UNC80: variants seen among roughly 807,000 people sequenced by gnomAD.
UNC80 encodes unc-80 subunit of NALCN channel complex, also known as protein unc-80 homolog.
In UNC80, 164 loss-of-function variants were observed where a neutral mutation model predicts 384.6. That is an observed-to-expected ratio of 0.43 (90% confidence interval 0.38 to 0.49). The LOEUF is 0.49. Ranked by LOEUF, UNC80 falls within the 20% of genes least tolerant of loss-of-function variation. The pLI is 0.00. For missense variants in UNC80, 3,330 were observed against 4,143.0 expected (o/e 0.80, Z 5.39); for synonymous variants, 1,486 against 1,527.8 (o/e 0.97, Z 0.64).
chr2:209,819,116 C>G lies in UNC80; in HGVS notation c.1817C>G (p.Pro606Arg). The G allele has an allele frequency of 6.4e-7, 1 of 1,552,176 alleles. No homozygotes were observed. The highest frequency in any genetic ancestry group is 8.7e-7 in the Non-Finnish European group (1 of 1,147,112). ...MRKLCNQVPIPEMPHEPLACA... is the reference protein window; with the variant it reads ...MRKLCNQVPIREMPHEPLACA... Reference sequence around the variant, plus strand: ...AAACTCTGCAACCAGGTGCCTATCCCGGAGATGCCACATGAACCTCTGGCA... The same window carrying G: ...AAACTCTGCAACCAGGTGCCTATCCGGGAGATGCCACATGAACCTCTGGCA... Residue 606 changes from proline to arginine, a missense_variant, in exon 12 of 65, where the codon CCG becomes CGG. Pro to Arg is a moderately radical substitution (Grantham distance 103, BLOSUM62 -2). Coordinates refer to ENST00000673920, the MANE Select transcript of UNC80 (RefSeq NM_001371986.1).
At chr2:209,878,133 C>A in intron 24 of UNC80, 44 bp downstream of exon 24, 3 of 1,479,398 alleles carry the variant, frequency 2.0e-6, no homozygotes, top group Non-Finnish European at 2.7e-6. Flanking sequence ...CTTGTAAGAA[C>A]CTCTGCTTTA....
At chr2:209,878,170 C>G (rs979137694) in intron 24 of UNC80, 81 bp downstream of exon 24, 1 of 1,336,400 alleles carries the variant, frequency 7.5e-7, no homozygotes, top group African/African-American at 1.5e-5. Context: ...CTCTTTTCTC[C>G]TTCATATTCT....
chr2:209,911,178 A>T (rs1482377266), intron 29 of UNC80, among the ~76,000 whole-genome samples: 1 of 139,694 alleles, frequency 7.2e-6, no homozygotes, highest in Non-Finnish European at 1.6e-5. Context: ...AAATATAAAT[A>T]ATAAAACAGA....
At chr2:209,904,685 C>T in intron 28 of UNC80, 80 bp from the exon 29 acceptor site, 1 of 1,250,884 alleles carries the variant, frequency 8.0e-7, no homozygotes, top group Non-Finnish European at 1.1e-6. Context: ...TTCTGACTTC[C>T]CATCTTCCAC....
intron 61 of UNC80, 68 bp downstream of exon 61, chr2:209,984,980 GTC>G: frequency 2.2e-6 from 3 of 1,334,468 alleles, no homozygotes; most frequent in Non-Finnish European, 3.1e-6. Flanking sequence ...TGTCTCCTCT[GTC>G]TCTCTGTCTT....
chr2:209,967,706 T>C (rs1474720507), intron 52 of UNC80, 69 bp downstream of exon 52: 10 of 1,475,310 alleles, frequency 6.8e-6, no homozygotes, highest in East Asian at 2.5e-5. Flanking sequence ...TTTTTTAAGA[T>C]GGTGGATCAT....
rs2092523089 is a variant in UNC80 at position 209,959,496 on chromosome 2, C to T, written c.7594C>T (p.Leu2532Phe). 6.4e-7 allele frequency: 1 copy of T among 1,551,544 alleles called. No individual in the cohort carries two copies. Among genetic ancestry groups the T allele is most frequent in the Non-Finnish European group, 8.7e-7 (1 of 1,146,950 alleles). Reference protein sequence around the residue: ...GAKLHFIRENLHLLEEGQGIP... With the variant: ...GAKLHFIRENFHLLEEGQGIP... ...TCTTTCACAATTTCCCAGGGAAAAC[C>T]TTCATTTACTGGAGGAAGGGCAAGG... Residue 2532 changes from leucine to phenylalanine, a missense_variant, in exon 51 of 65, where the codon CTT (leucine) becomes TTT (phenylalanine). Around this residue, in one of 8 missense-constraint regions of UNC80, gnomAD observed 1,049 missense variants for 1,488.6 expected, o/e 0.70. Transcript: ENST00000673920.
chr2:209,971,061 A>AAC lies in UNC80; in HGVS notation c.8256+106_8256+107dup. The AAC allele has an allele frequency of 2.8e-6, 4 of 1,414,006 alleles. No homozygotes were observed. The Middle Eastern group carries it at 5.7e-4, about 200-fold the overall frequency. 87.6% of individuals were successfully genotyped at this position (1,414,006 alleles called of 1,614,324 possible). A position where few individuals can be genotyped will look rare whatever the true frequency, so the allele number is the denominator to read the frequency against. On this transcript the variant is annotated intron_variant, in intron 54 of 64. Coordinates refer to ENST00000673920, the MANE Select transcript of UNC80 (RefSeq NM_001371986.1). Reference sequence around the variant, plus strand: ...TGCAAAGGCTGGGCAAAATCTGTGAAACAAAAGTGTAAACATCTCTAAACT... The same window carrying AAC: ...TGCAAAGGCTGGGCAAAATCTGTGAAACACAAAAGTGTAAACATCTCTAAACT...
At chr2:209,778,355 G>A (rs1032157703) in intron 4 of UNC80, among the ~76,000 whole-genome samples, 20 of 152,074 alleles carry the variant, frequency 1.3e-4, no homozygotes, top group Admixed American at 6.6e-5. Context: ...AACCTAGATC[G>A]TGCCACTGTA....
At chr2:209,834,225 T>A (rs2081190175) in intron 17 of UNC80, 57 bp downstream of exon 17, 6 of 1,515,424 alleles carry the variant, frequency 4.0e-6, no homozygotes, top group Non-Finnish European at 4.5e-6. Flanking sequence ...TAGAATAAAA[T>A]CTGTTGTACT....
At chr2:209,919,488 A>G (rs1234236931) in intron 33 of UNC80, among the ~76,000 whole-genome samples, 1 of 152,172 alleles carries the variant, frequency 6.6e-6, no homozygotes, top group Non-Finnish European at 1.5e-5. Context: ...TAGAATTGAA[A>G]AGTATCTTAT....
intron 35 of UNC80, among the ~76,000 whole-genome samples, chr2:209,924,453 A>T (rs1310426645): frequency 6.6e-6 from 1 of 152,142 alleles, no homozygotes; most frequent in Non-Finnish European, 1.5e-5. Context: ...TTTACTGAGG[A>T]CCACTTTGGG....
In UNC80 at chr2:209,941,247, A is replaced by G. The variant is rs968781432; in HGVS notation, c.6673A>G (p.Thr2225Ala). The G allele has an allele frequency of 1.3e-6, 2 of 1,528,532 alleles. No homozygotes were observed. The highest frequency in any genetic ancestry group is 1.8e-6 in the Non-Finnish European group (2 of 1,129,500). The allele number at this position is 1,528,532 out of a possible 1,614,324, so 94.7% of individuals were successfully genotyped here. The change falls in exon 44 of 65, where the codon ACT becomes GCT. Residue 2225 changes from threonine to alanine, a missense_variant. Physicochemically the swap from Thr to Ala is moderately conservative, Grantham distance 58 (BLOSUM62 0). Around this residue, in one of 8 missense-constraint regions of UNC80, gnomAD observed 1,049 missense variants for 1,488.6 expected, o/e 0.70. Transcript: ENST00000673920. ...QAGKELFGLDTLQKSLWIQLL... is the reference protein window; with the variant it reads ...QAGKELFGLDALQKSLWIQLL... ...TGGAAAGGAACTGTTTGGCCTCGAC[A>G]CTCTTCAGAAAAGCTTGTGGATCCA...
Position 209,921,617 on chromosome 2 carries a change from G to A in UNC80, c.5461G>A (p.Ala1821Thr), listed in dbSNP as rs1012288691. 5 of 1,551,560 alleles carry A rather than the reference G, an allele frequency of 3.2e-6. No homozygotes were observed. Among genetic ancestry groups the A allele is most frequent in the African/African-American group, 1.4e-5 (1 of 73,038 alleles). Reference protein sequence around the residue: ...RLGREASLITAIPITQEACYE... With the variant: ...RLGREASLITTIPITQEACYE... ...TGGTAGAGAAGCCAGCCTCATCACT[G>A]CCATCCCCATCACCCAGGAGGCTTG... The change falls in exon 34 of 65, where the codon GCC (alanine) becomes ACC (threonine). Residue 1821 changes from alanine to threonine, a missense_variant. Physicochemically the swap from Ala to Thr is moderately conservative, Grantham distance 58. Around this residue, in one of 8 missense-constraint regions of UNC80, gnomAD observed 1,049 missense variants for 1,488.6 expected, o/e 0.70. Coordinates refer to ENST00000673920, the MANE Select transcript of UNC80 (RefSeq NM_001371986.1).
Position 209,984,841 on chromosome 2 carries a change from C to T in UNC80, c.9258-15C>T, listed in dbSNP as rs1306419658. 5 of 1,544,054 alleles carry T rather than the reference C, an allele frequency of 3.2e-6. No homozygotes were observed. The highest frequency in any genetic ancestry group is 4.4e-6 in the Non-Finnish European group (5 of 1,144,210). On this transcript the variant is annotated splice_polypyrimidine_tract_variant and intron_variant, in intron 60 of 64. Transcript: ENST00000673920. ...TTCTTTCCCTAAATGCTTCATCTCC[C>T]TACCCCTCCTGCAGTGAACCTAATG...
chr2:209,896,625 T>A (rs929390744), intron 28 of UNC80, among the ~76,000 whole-genome samples: 1 of 152,160 alleles, frequency 6.6e-6, no homozygotes, highest in Admixed American at 6.6e-5. Flanking sequence ...TAAGACCAAG[T>A]TTTTTTGGTT....
Position 209,941,755 on chromosome 2 carries a change from C to T in UNC80, c.6915+266C>T, listed in dbSNP as rs1214143057. Among the ~76,000 whole-genome samples the T allele has an allele frequency of 1.1e-4, 17 of 152,142 alleles. 2 individuals are homozygous for T. Among genetic ancestry groups the T allele is most frequent in the Admixed American group, 1.0e-3 (16 of 15,278 alleles). On this transcript the variant is annotated intron_variant, in intron 44 of 64. Coordinates refer to ENST00000673920, the MANE Select transcript of UNC80 (RefSeq NM_001371986.1). ...GTTGTAGTCCCTGGGCCAGCAGCAT[C>T]AGCATCAACTGGAAACTTGTTGGAA... is the stretch of plus-strand genomic sequence containing the variant.
In UNC80 at chr2:209,819,058, G is replaced by A. The variant is rs1456086108; in HGVS notation, c.1759G>A (p.Gly587Ser). The A allele has an allele frequency of 6.4e-7, 1 of 1,551,822 alleles. No homozygotes were observed. The highest frequency in any genetic ancestry group is 2.0e-5 in the Admixed American group (1 of 50,992). Residue 587 changes from glycine to serine, a missense_variant, in exon 12 of 65, where the codon GGC becomes AGC. Physicochemically the swap from Gly to Ser is moderately conservative, Grantham distance 56. This residue lies in a region of UNC80 where 937 missense variants were observed against 1,026.8 expected (regional missense o/e 0.91). Transcript: ENST00000673920. ...FNTTLASFNVGYADFFNEHMR... is the reference protein window; with the variant it reads ...FNTTLASFNVSYADFFNEHMR... ...TACCACTTTGGCGTCATTCAACGTA[G>A]GCTATGCAGACTTTTTCAATGAGCA...
At chr2:209,866,484 GCACCCCCACACACA>G (rs1217074354) in intron 22 of UNC80, among the ~76,000 whole-genome samples, 31 of 76,140 alleles carry the variant, frequency 4.1e-4, no homozygotes, top group Middle Eastern at 8.6e-3. Flanking sequence ...AATACAAAAT[GCACCCCCACACACA>G]CACACACACA....
Sources: allele counts gnomAD v4.1 joint callset (sites outside exome capture counted in the v4.1 genomes callset), GRCh38; gene constraint gnomAD v4.1.1; regional missense constraint gnomAD v4.1.1; transcripts MANE v1.5; gene names NCBI Gene and HGNC (gene_info 2026-07-23, HGNC 2026-07-21).